SYNC: variants seen among roughly 807,000 people sequenced by gnomAD.
The protein encoded by SYNC is syncoilin.
In SYNC, 38 loss-of-function variants were observed where a neutral mutation model predicts 49.5. The observed-to-expected ratio is 0.77, with a 90% CI of 0.59 to 1.01. The LOEUF is 1.01. Among genes scored for constraint, SYNC ranks in the 50% least tolerant of loss-of-function variants. SYNC has a pLI of 0.00. For missense variants in SYNC, 579 were observed against 580.6 expected (o/e 1.00, Z 0.03); for synonymous variants, 201 against 230.8 (o/e 0.87, Z 1.17).
chr1:32,702,442 G>A lies in SYNC; in HGVS notation c.53+166C>T, dbSNP rs1650702336. Among the ~76,000 whole-genome samples, 1 of 152,156 alleles carries A rather than the reference G, an allele frequency of 6.6e-6. No homozygotes were observed. Among genetic ancestry groups the A allele is most frequent in the South Asian group, 2.1e-4 (1 of 4,834 alleles). On this transcript the variant is annotated intron_variant, in intron 1 of 4. Coordinates refer to ENST00000409190, the MANE Select transcript of SYNC (RefSeq NM_030786.3). This position sits in a 1 kb window ranked among gnomAD's most constrained non-coding sequence, Gnocchi z 6.2. ...AACGGAGGTGCCAGGACCCCGGGAC[G>A]GCCCGACTCCCCGATGTCCCCTCAC...
rs781158500 is a variant in SYNC, at chr1:32,681,879, AAGTTTATAAC to A, written c.1439-29_1439-20del. ...ACAGCCCCTGTAAAGTTGAAAGAAA[AAGTTTATAAC>A]AGTGAACTTCTGAGGTTTAGTTACT... On this transcript the variant is annotated intron_variant, in intron 4 of 4. Coordinates refer to ENST00000409190, the MANE Select transcript of SYNC (RefSeq NM_030786.3). 111 of 1,612,232 alleles carry A rather than the reference AAGTTTATAAC, an allele frequency of 6.9e-5. No homozygotes were observed. The highest frequency in any genetic ancestry group is 8.9e-5 in the Non-Finnish European group (105 of 1,178,418).
In SYNC at chr1:32,702,715, C is replaced by G. The variant is rs1298903764; in HGVS notation, c.-55G>C. ...TTATTAATAGCCGGGCCCGCGGGCCCCTCGCTCCGGCGCCCGCGCCCGCCG... is the reference window on the plus strand; with the variant it reads ...TTATTAATAGCCGGGCCCGCGGGCCGCTCGCTCCGGCGCCCGCGCCCGCCG... On this transcript the variant is annotated 5_prime_UTR_variant, in exon 1 of 5. Coordinates refer to ENST00000409190, the MANE Select transcript of SYNC (RefSeq NM_030786.3). The surrounding 1 kb of genome is among the most constrained non-coding windows in gnomAD (Gnocchi z 6.2). 2.7e-6 allele frequency: 3 copies of G among 1,119,868 alleles called. No individual in the cohort carries two copies. Among genetic ancestry groups the G allele is most frequent in the Non-Finnish European group, 3.3e-6 (3 of 916,910 alleles). The allele number at this position is 1,119,868 out of a possible 1,614,324, so 69.4% of individuals were successfully genotyped here.
rs367968995 is a variant in SYNC, at chr1:32,702,535, G to A, written c.53+73C>T. 190 of 1,191,402 alleles carry A rather than the reference G, an allele frequency of 1.6e-4. 2 individuals carry two copies. In the South Asian group the frequency reaches 6.1e-3, roughly 38 times the overall value. 73.8% of individuals were successfully genotyped at this position (1,191,402 alleles called of 1,614,324 possible). A position where few individuals can be genotyped will look rare whatever the true frequency, so the allele number is the denominator to read the frequency against. On this transcript the variant is annotated intron_variant, in intron 1 of 4. Transcript: ENST00000409190. This position sits in a 1 kb window ranked among gnomAD's most constrained non-coding sequence, Gnocchi z 6.2. ...AGACAGGCGAAAGACGCCCGCGGTC[G>A]GGGGGAAAGGGAACCCGTCCAGCAG...
intron 1 of SYNC, among the ~76,000 whole-genome samples, chr1:32,698,619 C>T (rs368465841): frequency 2.0e-5 from 3 of 152,132 alleles, no homozygotes; most frequent in Non-Finnish European, 2.9e-5. Flanking sequence ...TCCTGTCAAA[C>T]GCTCTTGAAG....
rs777523751 is a variant in SYNC at position 32,695,223 on chromosome 1, C to T, written c.875G>A (p.Arg292Gln). 1.5e-5 allele frequency: 23 copies of T among 1,553,156 alleles called. No individual in the cohort carries two copies. In the African/African-American group the frequency reaches 1.8e-4, roughly 12 times the overall value. ...CTCCTTCTGCTTCTGATAGGCATCC[C>T]GGAGCTGGGCCAGTTCCTCTGAGAG... The part of the protein sequence containing the change: ...TQLSEELAQL[R>Q]DAYQKQKEQL... Residue 292 changes from arginine (R) to glutamine (Q), a missense_variant, in exon 2 of 5, where the codon CGG (arginine) becomes CAG (glutamine). Physicochemically the swap from Arg to Gln is conservative, Grantham distance 43. Coordinates refer to ENST00000409190, the MANE Select transcript of SYNC (RefSeq NM_030786.3).
chr1:32,687,546 C>T (rs1334784739), intron 2 of SYNC, among the ~76,000 whole-genome samples: 1 of 151,564 alleles, frequency 6.6e-6, no homozygotes, highest in Non-Finnish European at 1.5e-5. Context: ...TGGCACACGC[C>T]TGTAGTCCCA....
intron 2 of SYNC, among the ~76,000 whole-genome samples, chr1:32,687,670 C>CAA (rs58420507): frequency 0.016 from 2,213 of 141,730 alleles, 39 homozygotes; most frequent in East Asian, 0.039. Flanking sequence ...GGCTCCGTCT[C>CAA]AAAAAAAAAA....
chr1:32,700,002 G>A (rs1421149384), intron 1 of SYNC, among the ~76,000 whole-genome samples: 3 of 152,086 alleles, frequency 2.0e-5, no homozygotes, highest in Admixed American at 6.6e-5. Context: ...AAAGTGCTGG[G>A]ATTACAGGCA....
At chr1:32,683,298 G>A (rs143002493) in intron 4 of SYNC, 6 of 148,660 alleles carry the variant, frequency 4.0e-5, no homozygotes, top group African/African-American at 1.5e-4. Context: ...GTAAGTCTGT[G>A]TAACATGAAC....
chr1:32,681,946 G>T (rs1206473410), intron 4 of SYNC, 86 bp from the exon 5 acceptor site: 2 of 1,227,680 alleles, frequency 1.6e-6, no homozygotes, highest in Non-Finnish European at 2.4e-6. Context: ...TTGTTACAGT[G>T]TGATTTATGG....
At position 32,680,293 on chromosome 1, in the gene SYNC, T is replaced by C. The variant is rs1253437710; in HGVS notation, c.*1557A>G. On this transcript the variant is annotated 3_prime_UTR_variant, in exon 5 of 5. Transcript: ENST00000409190. ...ATATATTTTTGCTCGTTAGTGTATT[T>C]CTTGAGCTGTTTTCATGTTGTTTAT... 1 of 1,281,948 alleles carries C rather than the reference T, an allele frequency of 7.8e-7. No homozygotes were observed. The highest frequency in any genetic ancestry group is 9.9e-7 in the Non-Finnish European group (1 of 1,013,800). The allele number at this position is 1,281,948 out of a possible 1,614,324, so 79.4% of individuals were successfully genotyped here.
chr1:32,688,104 G>A (rs899510545), intron 2 of SYNC, among the ~76,000 whole-genome samples: 11 of 151,824 alleles, frequency 7.2e-5, no homozygotes, highest in Admixed American at 2.6e-4. Context: ...CAAAGTGCTG[G>A]GATTACAGGT....
chr1:32,685,975 CTCTGTT>C (rs1292775341), intron 2 of SYNC: 1 of 152,140 alleles, frequency 6.6e-6, no homozygotes, highest in Non-Finnish European at 1.5e-5. Flanking sequence ...CAACTTGAAC[CTCTGTT>C]ACTCTTCCGT....
At chr1:32,682,017 T>C in intron 4 of SYNC, 157 bp from the exon 5 acceptor site, 2 of 644,064 alleles carry the variant, frequency 3.1e-6, no homozygotes, top group Middle Eastern at 4.1e-4. Context: ...TCAAATAGAA[T>C]GAATGGTGAT....
Position 32,681,661 on chromosome 1 carries a change from T to G in SYNC, c.*189A>C. 1 of 768,860 alleles carries G rather than the reference T, an allele frequency of 1.3e-6. No homozygotes were observed. Among genetic ancestry groups the G allele is most frequent in the Non-Finnish European group, 2.2e-6 (1 of 461,422 alleles). 47.6% of individuals were successfully genotyped at this position (768,860 alleles called of 1,614,324 possible). A position where few individuals can be genotyped will look rare whatever the true frequency, so the allele number is the denominator to read the frequency against. ...TAGAATCCAGCAAAGAGTTGACATG[T>G]TCTGCCTCCGGCCAACTCTAGAATC... On this transcript the variant is annotated 3_prime_UTR_variant, in exon 5 of 5. Coordinates refer to ENST00000409190, the MANE Select transcript of SYNC (RefSeq NM_030786.3).
chr1:32,688,902 G>A (rs1366229770), intron 2 of SYNC, among the ~76,000 whole-genome samples: 1 of 150,748 alleles, frequency 6.6e-6, no homozygotes, highest in Non-Finnish European at 1.5e-5. Context: ...AACTCTTTGA[G>A]GGCAGGAGCA....
chr1:32,680,944 G>A lies in SYNC; in HGVS notation c.*906C>T, dbSNP rs754247652. 1.7e-5 allele frequency: 3 copies of A among 173,870 alleles called. No individual in the cohort carries two copies. The highest frequency in any genetic ancestry group is 3.6e-5 in the Non-Finnish European group (3 of 82,472). The allele number at this position is 173,870 out of a possible 1,614,324, so 10.8% of individuals were successfully genotyped here. ...GACTTCCAAGAGTGTCAAAGGCAGT[G>A]TGGTAGAGAGAATTTAAGGCAAGAT... On this transcript the variant is annotated 3_prime_UTR_variant, in exon 5 of 5. Transcript: ENST00000409190.
chr1:32,699,553 C>T (rs1217782581), intron 1 of SYNC, among the ~76,000 whole-genome samples: 1 of 152,016 alleles, frequency 6.6e-6, no homozygotes, highest in Non-Finnish European at 1.5e-5. Context: ...GTCTCACTGG[C>T]ACTTTTGTCC....
In SYNC at chr1:32,681,185, T is replaced by A. The variant is rs2148538250; in HGVS notation, c.*665A>T. On this transcript the variant is annotated 3_prime_UTR_variant, in exon 5 of 5. Coordinates refer to ENST00000409190, the MANE Select transcript of SYNC (RefSeq NM_030786.3). ...TAGATCATTCTGACCCAGAACTACTTTCATGAGGTAAGATCTTTGGGAAAA... is the reference window on the plus strand; with the variant it reads ...TAGATCATTCTGACCCAGAACTACTATCATGAGGTAAGATCTTTGGGAAAA... 6.6e-6 allele frequency: 1 copy of A among 152,572 alleles called. No individual in the cohort carries two copies. Among genetic ancestry groups the A allele is most frequent in the Middle Eastern group, 3.4e-3 (1 of 294 alleles). 9.5% of individuals were successfully genotyped at this position (152,572 alleles called of 1,614,324 possible).
Sources: gnomAD v4.1 joint callset for allele counts (sites outside exome capture counted in the v4.1 genomes callset) on GRCh38, gnomAD v4.1.1 for gene constraint, Gnocchi (gnomAD v3.1) non-coding constraint, MANE v1.5 for transcripts, NCBI Gene and HGNC (gene_info 2026-07-23, HGNC 2026-07-21) for gene names.